The following RAPGEF1 variants were observed in gnomAD, a reference collection of about 807,000 sequenced individuals.
RAPGEF1 encodes CRK SH3-binding GNRP.
In RAPGEF1, 33 loss-of-function variants were observed where a neutral mutation model predicts 143.3. That is an observed-to-expected ratio of 0.23 (90% confidence interval 0.17 to 0.31). RAPGEF1 has a LOEUF of 0.31. Ranked by LOEUF, RAPGEF1 falls within the 10% of genes least tolerant of loss-of-function variation. RAPGEF1 has a pLI of 1.00. For synonymous variants in RAPGEF1, 629 were observed against 676.5 expected (o/e 0.93, Z 1.09); for missense variants, 1,199 against 1,645.4 (o/e 0.73, Z 4.69).
At position 131,651,091 on chromosome 9, in the gene RAPGEF1, C is replaced by T. The variant is rs554157212; in HGVS notation, c.62-142G>A. ...GTTTCAAGGGAAAGGACGTATGGAT[C>T]CATTACAAAACATTTCTGCTTACAT... On this transcript the variant is annotated intron_variant, in intron 1 of 26. Transcript: ENST00000683357. 1.5e-5 allele frequency: 16 copies of T among 1,075,536 alleles called. No individual in the cohort carries two copies. In the African/African-American group the frequency reaches 2.4e-4, roughly 16 times the overall value. The allele number at this position is 1,075,536 out of a possible 1,614,324, so 66.6% of individuals were successfully genotyped here. A position where few individuals can be genotyped will look rare whatever the true frequency, so the allele number is the denominator to read the frequency against.
At chr9:131,599,978 C>T (rs1956001183) in intron 15 of RAPGEF1, among the ~76,000 whole-genome samples, 2 of 152,110 alleles carry the variant, frequency 1.3e-5, no homozygotes, top group Admixed American at 6.5e-5. Context: ...ACTAGCTGGG[C>T]GTGGTGGCGC....
intron 1 of RAPGEF1, among the ~76,000 whole-genome samples, chr9:131,713,581 C>T (rs1835659101): frequency 6.6e-6 from 1 of 152,180 alleles, no homozygotes; most frequent in African/African-American, 2.4e-5. Context: ...TAAACCTTTC[C>T]ACACCTTGTA....
chr9:131,611,969 A>T (rs1334174719), intron 12 of RAPGEF1, among the ~76,000 whole-genome samples: 2 of 152,234 alleles, frequency 1.3e-5, no homozygotes, highest in African/African-American at 4.8e-5. Flanking sequence ...ACTTGGAACA[A>T]ATGGCTCAGC....
intron 1 of RAPGEF1, among the ~76,000 whole-genome samples, chr9:131,714,096 G>A (rs1159694343): frequency 3.3e-5 from 5 of 151,822 alleles, no homozygotes; most frequent in African/African-American, 1.2e-4. Flanking sequence ...TTGCCCAGGT[G>A]GCCTCAAACT....
At chr9:131,607,083 G>C (rs1411821362) in intron 12 of RAPGEF1, among the ~76,000 whole-genome samples, 1 of 152,100 alleles carries the variant, frequency 6.6e-6, no homozygotes, top group Non-Finnish European at 1.5e-5. Context: ...TCACTCCTGT[G>C]ATCTCACACC....
At chr9:131,704,955 T>C (rs1564185215) in intron 1 of RAPGEF1, among the ~76,000 whole-genome samples, 1 of 152,198 alleles carries the variant, frequency 6.6e-6, no homozygotes, top group Non-Finnish European at 1.5e-5. Context: ...TGTGAAGTAA[T>C]ATTTGCAACT....
At chr9:131,688,833 G>A (rs1415941576) in intron 1 of RAPGEF1, among the ~76,000 whole-genome samples, 1 of 152,202 alleles carries the variant, frequency 6.6e-6, no homozygotes, top group Non-Finnish European at 1.5e-5. Context: ...GGGAGGTGGA[G>A]GTTGCAGTGA....
chr9:131,680,192 A>T (rs1180475691), intron 1 of RAPGEF1, among the ~76,000 whole-genome samples: 1 of 152,244 alleles, frequency 6.6e-6, no homozygotes, highest in Non-Finnish European at 1.5e-5. Flanking sequence ...AGTTAGTTAT[A>T]TTGGGGTTCA....
rs183077153 is a variant in RAPGEF1, at chr9:131,615,149, C to T, written c.2061+3902G>A. 9.6e-4 allele frequency among the ~76,000 whole-genome samples: 146 copies of T among 152,314 alleles called. 2 individuals carry two copies. The East Asian group carries it at 0.024, about 25-fold the overall frequency. ...GCGCAGTGGCGCGATCTCCACTCACCGCAAGCTCCGCCTCCTGGGTTCACG... is the reference window on the plus strand; with the variant it reads ...GCGCAGTGGCGCGATCTCCACTCACTGCAAGCTCCGCCTCCTGGGTTCACG... On this transcript the variant is annotated intron_variant, in intron 12 of 26. Coordinates refer to ENST00000683357, the MANE Select transcript of RAPGEF1 (RefSeq NM_001377935.1).
intron 22 of RAPGEF1, among the ~76,000 whole-genome samples, chr9:131,586,237 C>T (rs1952729889): frequency 7.0e-6 from 1 of 143,866 alleles, no homozygotes; most frequent in African/African-American, 2.6e-5. Flanking sequence ...CACACACCTG[C>T]AGAGCAAGAC....
At chr9:131,659,096 T>C (rs1388498540) in intron 1 of RAPGEF1, among the ~76,000 whole-genome samples, 3 of 152,240 alleles carry the variant, frequency 2.0e-5, no homozygotes, top group African/African-American at 7.2e-5. Context: ...AGTCGAGCAC[T>C]GGGAAGGATT....
At chr9:131,689,199 C>T (rs1448561065) in intron 1 of RAPGEF1, among the ~76,000 whole-genome samples, 1 of 151,880 alleles carries the variant, frequency 6.6e-6, no homozygotes, top group Admixed American at 6.6e-5. Flanking sequence ...TTTTTTATAC[C>T]TGTCTTGTTT....
At chr9:131,647,718 G>A (rs921732717) in intron 3 of RAPGEF1, among the ~76,000 whole-genome samples, 1 of 152,196 alleles carries the variant, frequency 6.6e-6, no homozygotes, top group Non-Finnish European at 1.5e-5. Context: ...CCACGCAGGT[G>A]GCTTGGGACA....
At chr9:131,594,223 T>G (rs1954852730) in intron 17 of RAPGEF1, among the ~76,000 whole-genome samples, 1 of 152,222 alleles carries the variant, frequency 6.6e-6, no homozygotes, top group South Asian at 2.1e-4. Flanking sequence ...CACAGGACTC[T>G]CGATGCGGTC....
At chr9:131,709,676 T>C (rs372127164) in intron 1 of RAPGEF1, 6 of 1,613,986 alleles carry the variant, frequency 3.7e-6, no homozygotes, top group Non-Finnish European at 4.2e-6. Flanking sequence ...TTCAATAGCA[T>C]TGCCCATTTT....
In RAPGEF1 at chr9:131,580,381, G is replaced by A; in HGVS notation, c.3523C>T (p.Leu1175=). ...AGGTGAACGAAGGTCAGGTCCTGCA[G>A]GATCAGCCCCCTGGGAGGACGGGTT... ...PPCIPYLGLI[L]QDLTFVHLGN... is the part of the protein sequence containing the mutation. The change falls in exon 26 of 27, where the codon CTG becomes TTG. Residue 1175 remains leucine (L), a synonymous_variant. Coordinates refer to ENST00000683357, the MANE Select transcript of RAPGEF1 (RefSeq NM_001377935.1). The A allele has an allele frequency of 6.2e-7, 1 of 1,613,624 alleles. No homozygotes were observed. Among genetic ancestry groups the A allele is most frequent in the Non-Finnish European group, 8.5e-7 (1 of 1,179,688 alleles).
At chr9:131,587,011 AACACACAC>A (rs35594696) in intron 22 of RAPGEF1, among the ~76,000 whole-genome samples, 5 of 23,900 alleles carry the variant, frequency 2.1e-4, no homozygotes, top group South Asian at 2.8e-3. Flanking sequence ...CTCCGTCTCA[AACACACAC>A]ACACACACAC....
chr9:131,739,843 G>T lies in RAPGEF1; in HGVS notation c.-13C>A, dbSNP rs1201624533. ...GGCCGCCGCTCATCGGGCCCGGGCCGGGCCGCCGCGGGGCGACAGGGGCGG... is the reference window on the plus strand; with the variant it reads ...GGCCGCCGCTCATCGGGCCCGGGCCTGGCCGCCGCGGGGCGACAGGGGCGG... On this transcript the variant is annotated 5_prime_UTR_variant, in exon 1 of 27. Coordinates refer to ENST00000683357, the MANE Select transcript of RAPGEF1 (RefSeq NM_001377935.1). The T allele has an allele frequency of 9.8e-7, 1 of 1,022,374 alleles. No homozygotes were observed. Among genetic ancestry groups the T allele is most frequent in the Non-Finnish European group, 1.2e-6 (1 of 858,982 alleles). The allele number at this position is 1,022,374 out of a possible 1,614,324, so 63.3% of individuals were successfully genotyped here. A position where few individuals can be genotyped will look rare whatever the true frequency, so the allele number is the denominator to read the frequency against.
chr9:131,616,012 A>G (rs1958943665), intron 12 of RAPGEF1, among the ~76,000 whole-genome samples: 1 of 152,184 alleles, frequency 6.6e-6, no homozygotes, highest in Non-Finnish European at 1.5e-5. Context: ...CACGCCTGTA[A>G]TCCCAGCACT....
Sources: allele counts gnomAD v4.1 joint callset (sites outside exome capture counted in the v4.1 genomes callset), GRCh38; gene constraint gnomAD v4.1.1; transcripts MANE v1.5; gene names NCBI Gene and HGNC (gene_info 2026-07-23, HGNC 2026-07-21).